SLC4A10: variants seen among roughly 807,000 people sequenced by gnomAD.
SLC4A10 encodes the protein sodium-driven chloride bicarbonate exchanger.
A neutral mutation model predicts 137.7 loss-of-function variants in SLC4A10; 42 were observed. The observed-to-expected ratio is 0.30, with a 90% CI of 0.24 to 0.39. The LOEUF (loss-of-function observed/expected upper bound fraction) is 0.39. Ranked by LOEUF, SLC4A10 falls within the 10% of genes least tolerant of loss-of-function variation. The pLI, the probability that SLC4A10 is intolerant of heterozygous loss-of-function variation, is 1.00. For synonymous variants in SLC4A10, 474 were observed against 464.1 expected (o/e 1.02, Z -0.27); for missense variants, 925 against 1,355.0 (o/e 0.68, Z 4.98).
chr2:161,637,323 C>T (rs185565058), intron 1 of SLC4A10, among the ~76,000 whole-genome samples: 1,803 of 151,726 alleles, frequency 0.012, 13 homozygotes, highest in South Asian at 0.018. Flanking sequence ...CTCAGCCTCC[C>T]GAGTAGCTGG....
intron 5 of SLC4A10, 29 bp from the exon 6 acceptor site, chr2:161,862,845 C>T: frequency 3.3e-6 from 5 of 1,519,868 alleles, no homozygotes; most frequent in Admixed American, 2.0e-5. Flanking sequence ...GAAAGCTGTG[C>T]TTATCTTCTT....
chr2:161,664,082 T>C (rs1017282496), intron 1 of SLC4A10, among the ~76,000 whole-genome samples: 2 of 152,012 alleles, frequency 1.3e-5, no homozygotes, highest in African/African-American at 4.8e-5. Context: ...GGAATATTTT[T>C]AATAGTGGCT....
intron 5 of SLC4A10, among the ~76,000 whole-genome samples, chr2:161,860,753 G>C (rs1260911642): frequency 6.6e-6 from 1 of 152,090 alleles, no homozygotes. Context: ...AACATTCCAG[G>C]TATATAATAT....
chr2:161,656,962 A>G (rs982871661), intron 1 of SLC4A10, among the ~76,000 whole-genome samples: 9 of 152,096 alleles, frequency 5.9e-5, no homozygotes, highest in Non-Finnish European at 1.2e-4. Flanking sequence ...GTAGTCAAAT[A>G]TGCAAAGATT....
At chr2:161,974,134 A>T in intron 23 of SLC4A10, 115 bp from the exon 24 acceptor site, 1 of 750,022 alleles carries the variant, frequency 1.3e-6, no homozygotes. Flanking sequence ...AAATGCAAAC[A>T]GAGTGGAAGG....
chr2:161,893,791 A>G (rs2063165444), intron 10 of SLC4A10, among the ~76,000 whole-genome samples: 1 of 151,980 alleles, frequency 6.6e-6, no homozygotes, highest in East Asian at 1.9e-4. Flanking sequence ...ATACAGTATA[A>G]TAAATATATA....
At chr2:161,742,732 G>A (rs948127672) in intron 1 of SLC4A10, among the ~76,000 whole-genome samples, 27 of 152,110 alleles carry the variant, frequency 1.8e-4, no homozygotes, top group Admixed American at 8.5e-4. Context: ...GAACCATGGT[G>A]CCCAGCTGGG....
intron 4 of SLC4A10, among the ~76,000 whole-genome samples, chr2:161,848,967 T>A (rs1349224422): frequency 6.6e-6 from 1 of 152,230 alleles, no homozygotes; most frequent in East Asian, 1.9e-4. Flanking sequence ...TTGATAGGAA[T>A]AGCACTGAAT....
At chr2:161,689,043 T>C (rs192415326) in intron 1 of SLC4A10, among the ~76,000 whole-genome samples, 6 of 152,284 alleles carry the variant, frequency 3.9e-5, no homozygotes, top group Admixed American at 3.3e-4. Context: ...AGGATAAGTA[T>C]ATAAAGATTG....
chr2:161,982,796 T>G (rs887112256), intron 26 of SLC4A10, among the ~76,000 whole-genome samples: 16 of 152,104 alleles, frequency 1.1e-4, no homozygotes, highest in African/African-American at 3.9e-4. Flanking sequence ...TGCGACATCT[T>G]GTTTGTGTCA....
chr2:161,844,027 A>G (rs1214531193), intron 4 of SLC4A10, among the ~76,000 whole-genome samples: 1 of 152,176 alleles, frequency 6.6e-6, no homozygotes, highest in Non-Finnish European at 1.5e-5. Context: ...CAACACAATT[A>G]CAATGTCCTG....
chr2:161,972,448 C>T (rs569648459), intron 23 of SLC4A10, among the ~76,000 whole-genome samples: 3 of 152,244 alleles, frequency 2.0e-5, no homozygotes, highest in East Asian at 3.9e-4. Flanking sequence ...ATCAGCTCTG[C>T]TAAAATGCTT....
chr2:161,841,109 ACT>A (rs2059153098), intron 4 of SLC4A10, among the ~76,000 whole-genome samples: 1 of 151,842 alleles, frequency 6.6e-6, no homozygotes. Context: ...ACAGAGTCTC[ACT>A]CTGTCCCCCA....
chr2:161,864,801 C>G (rs1345233176), intron 6 of SLC4A10, among the ~76,000 whole-genome samples: 1 of 151,974 alleles, frequency 6.6e-6, no homozygotes, highest in Non-Finnish European at 1.5e-5. Context: ...GATAACAAAA[C>G]TTGAGGCTTT....
chr2:161,771,402 A>C (rs1231604526), intron 2 of SLC4A10, among the ~76,000 whole-genome samples: 3 of 151,868 alleles, frequency 2.0e-5, no homozygotes, highest in African/African-American at 2.4e-5. Context: ...AGGTGAATGT[A>C]GGACAGGAGG....
chr2:161,977,721 G>A lies in SLC4A10; in HGVS notation c.3345-1G>A. 1 of 1,598,228 alleles carries A rather than the reference G, an allele frequency of 6.3e-7. No individual in the cohort carries two copies. Among genetic ancestry groups the A allele is most frequent in the East Asian group, 2.3e-5 (1 of 44,294 alleles). Reference sequence around the variant, plus strand: ...TTTTTATATTACATTTTTGTCATAAGCTCCCCTTCCTAATCACTCTAGAAG... The same window carrying A: ...TTTTTATATTACATTTTTGTCATAAACTCCCCTTCCTAATCACTCTAGAAG... On this transcript the variant is annotated splice_acceptor_variant, in intron 25 of 26. Transcript: ENST00000446997. LOFTEE classifies it high-confidence loss of function.
chr2:161,858,975 C>G (rs1296855159), intron 5 of SLC4A10, among the ~76,000 whole-genome samples: 1 of 152,132 alleles, frequency 6.6e-6, no homozygotes, highest in Non-Finnish European at 1.5e-5. Flanking sequence ...AGTAAGTATT[C>G]TATTACAGTT....
At chr2:161,918,005 C>G (rs559050061) in intron 15 of SLC4A10, among the ~76,000 whole-genome samples, 1 of 152,162 alleles carries the variant, frequency 6.6e-6, no homozygotes, top group Non-Finnish European at 1.5e-5. Context: ...AATGCTTTGT[C>G]GAACACTCAA....
intron 5 of SLC4A10, 146 bp from the exon 6 acceptor site, chr2:161,862,728 A>G: frequency 6.8e-6 from 4 of 584,052 alleles, no homozygotes; most frequent in Non-Finnish European, 2.6e-6. Flanking sequence ...TTATAACAGC[A>G]TGCTTAGAGA....
Sources: allele counts gnomAD v4.1 joint callset (sites outside exome capture counted in the v4.1 genomes callset), GRCh38; gene constraint gnomAD v4.1.1; transcripts MANE v1.5; gene names NCBI Gene and HGNC (gene_info 2026-07-23, HGNC 2026-07-21).